The following TRPC4 variants were observed in gnomAD, a reference collection of about 807,000 sequenced individuals.
TRPC4 encodes short transient receptor potential channel 4.
TRPC4 carries 49 observed loss-of-function variants against 99.4 expected under a neutral mutation model. The observed-to-expected ratio is 0.49, with a 90% CI of 0.39 to 0.63. The LOEUF is 0.63. Ranked by LOEUF, TRPC4 falls within the 20% of genes least tolerant of loss-of-function variation. The pLI, the probability that TRPC4 is intolerant of heterozygous loss-of-function variation, is 0.00. For synonymous variants in TRPC4, 454 were observed against 425.9 expected (o/e 1.07, Z -0.81); for missense variants, 898 against 1,152.9 (o/e 0.78, Z 3.20).
chr13:37,660,740 T>C (rs1391875287), intron 6 of TRPC4, among the ~76,000 whole-genome samples: 3 of 152,150 alleles, frequency 2.0e-5, no homozygotes, highest in African/African-American at 7.2e-5. Flanking sequence ...ATTTTTAACC[T>C]TCACATAGAA....
chr13:37,745,870 G>C, intron 3 of TRPC4, 67 bp downstream of exon 3: 1 of 1,523,408 alleles, frequency 6.6e-7, no homozygotes, highest in Non-Finnish European at 8.8e-7. Flanking sequence ...AATTTTGTGA[G>C]TAGCAGTTTG....
At chr13:37,763,656 TA>T (rs1048387147) in intron 2 of TRPC4, among the ~76,000 whole-genome samples, 2 of 151,594 alleles carry the variant, frequency 1.3e-5, no homozygotes, top group African/African-American at 4.8e-5. Context: ...GAGATTGGAC[TA>T]AACCAAAAAT....
At chr13:37,674,172 A>C in intron 5 of TRPC4, 56 bp downstream of exon 5, 1 of 1,435,940 alleles carries the variant, frequency 7.0e-7, no homozygotes, top group Non-Finnish European at 9.2e-7. Flanking sequence ...ATCAGTTGAA[A>C]GTATATCATT....
At chr13:37,723,837 G>C (rs2139046780) in intron 3 of TRPC4, among the ~76,000 whole-genome samples, 1 of 152,204 alleles carries the variant, frequency 6.6e-6, no homozygotes, top group African/African-American at 2.4e-5. Context: ...TTACAGGTGT[G>C]AGCCACCACA....
Position 37,780,045 on chromosome 13 carries a change from C to T in TRPC4, c.378+2911G>A, listed in dbSNP as rs116899562. 4.5e-4 allele frequency among the ~76,000 whole-genome samples: 68 copies of T among 152,028 alleles called. No homozygotes were observed. The East Asian group carries it at 0.012, about 26-fold the overall frequency. The stretch of plus-strand genomic sequence containing the variant: ...ATTCACAATCGGACCTTAGGACTCT[C>T]GAGAAAAGGAACGGTGTCTCCTCCT... On this transcript the variant is annotated intron_variant, in intron 2 of 10. Coordinates refer to ENST00000379705, the MANE Select transcript of TRPC4 (RefSeq NM_016179.4).
At chr13:37,792,081 C>G (rs527748031) in intron 1 of TRPC4, among the ~76,000 whole-genome samples, 2 of 152,126 alleles carry the variant, frequency 1.3e-5, no homozygotes, top group African/African-American at 4.8e-5. Flanking sequence ...AAAGATCACT[C>G]TCACTGCTGA....
intron 2 of TRPC4, among the ~76,000 whole-genome samples, chr13:37,770,759 G>T (rs898218855): frequency 1.3e-5 from 2 of 151,558 alleles, no homozygotes; most frequent in African/African-American, 4.8e-5. Context: ...TTTATTGATA[G>T]AATTAATAGT....
chr13:37,867,627 T>C (rs2139747612), intron 1 of TRPC4, among the ~76,000 whole-genome samples: 1 of 152,204 alleles, frequency 6.6e-6, no homozygotes, highest in South Asian at 2.1e-4. Context: ...ATTGTCATTG[T>C]TTCTATCTTT....
chr13:37,660,300 A>G (rs1386565326), intron 6 of TRPC4, among the ~76,000 whole-genome samples: 2 of 152,162 alleles, frequency 1.3e-5, no homozygotes, highest in Non-Finnish European at 1.5e-5. Context: ...GAAGTGTTAA[A>G]CAGGGTCAAA....
intron 3 of TRPC4, among the ~76,000 whole-genome samples, chr13:37,701,286 C>T (rs1954093638): frequency 6.6e-6 from 1 of 152,000 alleles, no homozygotes; most frequent in Non-Finnish European, 1.5e-5. Flanking sequence ...ATTTTTTATT[C>T]TTTATTGGCT....
intron 2 of TRPC4, among the ~76,000 whole-genome samples, chr13:37,750,407 G>A (rs750109279): frequency 1.3e-5 from 2 of 151,970 alleles, no homozygotes; most frequent in Non-Finnish European, 2.9e-5. Flanking sequence ...CTGCAATTAC[G>A]TTGGTTTTAT....
At chr13:37,705,484 T>C (rs2138956187) in intron 3 of TRPC4, among the ~76,000 whole-genome samples, 1 of 152,334 alleles carries the variant, frequency 6.6e-6, no homozygotes, top group East Asian at 1.9e-4. Context: ...GTAACGCATA[T>C]GTTAATTAGC....
At chr13:37,855,985 T>C (rs1480508287) in intron 1 of TRPC4, among the ~76,000 whole-genome samples, 2 of 151,284 alleles carry the variant, frequency 1.3e-5, no homozygotes, top group African/African-American at 4.8e-5. Context: ...AGAAAAGCAA[T>C]AGCAAGCTAA....
In TRPC4 at chr13:37,677,552, T is replaced by A. The variant is rs9532095; in HGVS notation, c.1235-3185A>T. 3.3e-5 allele frequency among the ~76,000 whole-genome samples: 5 copies of A among 152,066 alleles called. 1 individual carries two copies. The highest frequency in any genetic ancestry group is 3.3e-4 in the Admixed American group (5 of 15,270). On this transcript the variant is annotated intron_variant, in intron 4 of 10. Transcript: ENST00000379705. ...TGTATTTCAGAAGAAGCAATGTTAC[T>A]AGGTATATAGAGGGATATAACATAA...
At chr13:37,802,550 G>A (rs1469136315) in intron 1 of TRPC4, among the ~76,000 whole-genome samples, 1 of 152,106 alleles carries the variant, frequency 6.6e-6, no homozygotes, top group East Asian at 1.9e-4. Flanking sequence ...AAGTGATGTG[G>A]CCATTTCAGT....
chr13:37,716,401 A>G (rs1405049332), intron 3 of TRPC4, among the ~76,000 whole-genome samples: 1 of 152,208 alleles, frequency 6.6e-6, no homozygotes, highest in Non-Finnish European at 1.5e-5. Flanking sequence ...TTGAATTTGC[A>G]CTTCTATTTC....
intron 1 of TRPC4, among the ~76,000 whole-genome samples, chr13:37,833,017 T>C (rs1011267008): frequency 4.6e-5 from 7 of 152,174 alleles, no homozygotes; most frequent in Non-Finnish European, 8.8e-5. Flanking sequence ...CTGGATTCAT[T>C]TTATTTATTT....
intron 1 of TRPC4, among the ~76,000 whole-genome samples, chr13:37,817,070 G>A (rs9576366): frequency 0.26 from 38,983 of 151,908 alleles, 5,522 homozygotes; most frequent in East Asian, 0.43. Flanking sequence ...TAGGAAGAGA[G>A]GAAGTCAAAC....
At chr13:37,794,761 A>T (rs1239122285) in intron 1 of TRPC4, among the ~76,000 whole-genome samples, 1 of 152,140 alleles carries the variant, frequency 6.6e-6, no homozygotes, top group Non-Finnish European at 1.5e-5. Flanking sequence ...TTTTTACTTA[A>T]TTAAAAAAGT....
Sources: allele counts gnomAD v4.1 joint callset (sites outside exome capture counted in the v4.1 genomes callset), GRCh38; gene constraint gnomAD v4.1.1; transcripts MANE v1.5; gene names NCBI Gene and HGNC (gene_info 2026-07-23, HGNC 2026-07-21).